The following PLEKHG4 variants were observed in gnomAD, a reference collection of about 807,000 sequenced individuals.
PLEKHG4 encodes puratrophin-1.
PLEKHG4 carries 85 observed loss-of-function variants against 136.9 expected under a neutral mutation model. The ratio of observed to expected loss-of-function variants is 0.62; its 90% CI spans 0.52 to 0.74. The LOEUF (loss-of-function observed/expected upper bound fraction) is 0.74, where lower values mean the gene tolerates loss of function less well. PLEKHG4 is among the 30% of genes least tolerant of loss of function. The probability of loss-of-function intolerance (pLI) is 0.00; values close to 1 mark genes in which losing one functional copy is unlikely to be tolerated. For synonymous variants in PLEKHG4, 577 were observed against 646.9 expected (o/e 0.89, Z 1.64); for missense variants, 1,317 against 1,527.8 (o/e 0.86, Z 2.30).
rs2036617921 is a variant in PLEKHG4, at chr16:67,288,917, C to T, written c.*109C>T. ...GGCTGACACCTGGGCTACCTCCAAC[C>T]TACATGTGCAACGCTGTTGACTACC... On this transcript the variant is annotated 3_prime_UTR_variant, in exon 22 of 22. Transcript: ENST00000379344. 3.3e-6 allele frequency: 4 copies of T among 1,227,086 alleles called. No individual in the cohort carries two copies. The highest frequency in any genetic ancestry group is 1.9e-5 in the Admixed American group (1 of 51,974). 76.0% of individuals were successfully genotyped at this position (1,227,086 alleles called of 1,614,324 possible). A position where few individuals can be genotyped will look rare whatever the true frequency, so the allele number is the denominator to read the frequency against.
At chr16:67,279,801 C>T in intron 1 of PLEKHG4, 75 bp from the exon 2 acceptor site, 1 of 530,272 alleles carries the variant, frequency 1.9e-6, no homozygotes, top group Non-Finnish European at 3.4e-6. Flanking sequence ...TGGGCGCGCA[C>T]GGAGCAGAGG....
At position 67,282,107 on chromosome 16, in the gene PLEKHG4, G is replaced by T; in HGVS notation, c.1104G>T (p.Gly368=). ...CTGTGCCCCAGCCCATGGAGCCTGG[G>T]GTGAGTGTCCCCTCCCAGTCCCTCC... is the stretch of plus-strand genomic sequence containing the variant. ...VKAVPQPMEP[G]EVGQLLQQTE... The change falls in exon 8 of 22, where the codon GGG becomes GGT. Residue 368 remains glycine, a splice_region_variant and synonymous_variant. Coordinates refer to ENST00000379344, the MANE Select transcript of PLEKHG4 (RefSeq NM_001129729.3). 1.2e-6 allele frequency: 2 copies of T among 1,613,178 alleles called. No homozygotes were observed. Among genetic ancestry groups the T allele is most frequent in the East Asian group, 4.5e-5 (2 of 44,858 alleles).
intron 9 of PLEKHG4, 57 bp downstream of exon 9, chr16:67,282,406 A>G: frequency 6.2e-7 from 1 of 1,612,158 alleles, no homozygotes; most frequent in Non-Finnish European, 8.5e-7. Context: ...CTATGCCAGG[A>G]CTCATCTGGC....
rs1373417140 is a variant in PLEKHG4, at chr16:67,287,155, G to T, written c.3081G>T (p.Trp1027Cys). 1.9e-6 allele frequency: 3 copies of T among 1,609,366 alleles called. No individual in the cohort carries two copies. The Admixed American group carries it at 5.0e-5, about 27-fold the overall frequency. The change falls in exon 18 of 22, where the codon TGG becomes TGT. Residue 1027 changes from tryptophan (W) to cysteine (C), a missense_variant. Trp to Cys is a radical substitution (Grantham distance 215, BLOSUM62 -2). Transcript: ENST00000379344. ...AWTADISHLL[W>C]RQAVHNKEVR... ...CAGCTGACATCTCCCACCTGCTTTG[G>T]AGGCAGGCCGTCCACAACAAGGGTG...
At chr16:67,281,933 C>G (rs2036246747) in intron 7 of PLEKHG4, 76 bp from the exon 8 acceptor site, 1 of 1,536,050 alleles carries the variant, frequency 6.5e-7, no homozygotes, top group African/African-American at 1.4e-5. Flanking sequence ...ACAAAGCTGG[C>G]TGCAGTGGCC....
rs780835468 is a variant in PLEKHG4, at chr16:67,282,188, C to T, written c.1105-13C>T. 6.2e-7 allele frequency: 1 copy of T among 1,613,578 alleles called. No homozygotes were observed. Among genetic ancestry groups the T allele is most frequent in the Non-Finnish European group, 8.5e-7 (1 of 1,180,006 alleles). ...CCATGGCCACCTCCACAGCTTATTG[C>T]CCTCAATCACAGGAGGTCGGTCAGC... On this transcript the variant is annotated splice_polypyrimidine_tract_variant and intron_variant, in intron 8 of 21. Transcript: ENST00000379344.
rs1160839540 is a variant in PLEKHG4, at chr16:67,284,190, T to C, written c.1510-85T>C. 2 of 1,187,356 alleles carry C rather than the reference T, an allele frequency of 1.7e-6. No individual in the cohort carries two copies. Among genetic ancestry groups the C allele is most frequent in the African/African-American group, 1.5e-5 (1 of 66,282 alleles). The allele number at this position is 1,187,356 out of a possible 1,614,324, so 73.6% of individuals were successfully genotyped here. A position where few individuals can be genotyped will look rare whatever the true frequency, so the allele number is the denominator to read the frequency against. ...CCACAGGACAGACTTGATGGGGACATGTCGATATGTCAGCAGGAAGTATCT... is the reference window on the plus strand; with the variant it reads ...CCACAGGACAGACTTGATGGGGACACGTCGATATGTCAGCAGGAAGTATCT... On this transcript the variant is annotated intron_variant, in intron 11 of 21. Coordinates refer to ENST00000379344, the MANE Select transcript of PLEKHG4 (RefSeq NM_001129729.3). This position sits in a 1 kb window ranked among gnomAD's most constrained non-coding sequence, Gnocchi z 4.4.
rs1190525583 is a variant in PLEKHG4 at position 67,280,138 on chromosome 16, TGG to T, written c.96_97del (p.Trp32Ter). 6 of 1,613,746 alleles carry T rather than the reference TGG, an allele frequency of 3.7e-6. No homozygotes were observed. The highest frequency in any genetic ancestry group is 5.1e-6 in the Non-Finnish European group (6 of 1,179,968). The part of the protein sequence containing the change: ...RFAVCSFRDA[W>X]EEEEPASQMH... ...TGCTGTGTGCAGTTTCAGGGATGCC[TGG>T]GAAGAGGAGGAACCTGCTTCCCAGA... On this transcript the variant is annotated frameshift_variant, in exon 2 of 22. Transcript: ENST00000379344. LOFTEE classifies it high-confidence loss of function. This position sits in a 1 kb window ranked among gnomAD's most constrained non-coding sequence, Gnocchi z 4.4.
In PLEKHG4 at chr16:67,286,381, TAGG is replaced by T. The variant is rs747262744; in HGVS notation, c.2532+24_2532+26del. The T allele has an allele frequency of 1.1e-5, 18 of 1,610,716 alleles. No homozygotes were observed. In the South Asian group the frequency reaches 1.8e-4, roughly 16 times the overall value. On this transcript the variant is annotated intron_variant, in intron 15 of 21. Coordinates refer to ENST00000379344, the MANE Select transcript of PLEKHG4 (RefSeq NM_001129729.3). ...TCTTCAAGGTAAGTGAACCTGAGAT[TAGG>T]AGGAGTAGGGGATGCGGGGAGTGCC...
rs149229558 is a variant in PLEKHG4, at chr16:67,280,887, C to T, written c.601C>T (p.Arg201Trp). The stretch of plus-strand genomic sequence containing the variant: ...TCACTGCTTCCTCCCCACAGGGACT[C>T]GGGATGTCCAAGGCCGGGCAGTGCT... ...ASGMATLPGT[R>W]DVQGRAVLLL... Residue 201 changes from arginine (R) to tryptophan (W), a missense_variant, in exon 4 of 22, where the codon CGG becomes TGG. Coordinates refer to ENST00000379344, the MANE Select transcript of PLEKHG4 (RefSeq NM_001129729.3). The surrounding 1 kb of genome is among the most constrained non-coding windows in gnomAD (Gnocchi z 4.4). The T allele has an allele frequency of 3.1e-3, 5,015 of 1,612,916 alleles. 17 individuals carry two copies. Among genetic ancestry groups the T allele is most frequent in the Non-Finnish European group, 3.8e-3 (4,473 of 1,180,012 alleles).
Position 67,279,976 on chromosome 16 carries a change from A to G in PLEKHG4, c.-69A>G. The G allele has an allele frequency of 6.6e-7, 1 of 1,516,396 alleles. No individual in the cohort carries two copies. The highest frequency in any genetic ancestry group is 1.9e-5 in the Admixed American group (1 of 52,772). The allele number at this position is 1,516,396 out of a possible 1,614,324, so 93.9% of individuals were successfully genotyped here. A position where few individuals can be genotyped will look rare whatever the true frequency, so the allele number is the denominator to read the frequency against. ...CACTGAGTCCCACTCGACTGTCTTC[A>G]GCGCGGTTCACACTGAGACCCAGCC... On this transcript the variant is annotated 5_prime_UTR_variant, in exon 2 of 22. Transcript: ENST00000379344.
rs777121540 is a variant in PLEKHG4, at chr16:67,285,461, C to T, written c.2367C>T (p.His789=). The change falls in exon 14 of 22, where the codon CAC becomes CAT. Residue 789 remains histidine (H), a synonymous_variant. Coordinates refer to ENST00000379344, the MANE Select transcript of PLEKHG4 (RefSeq NM_001129729.3). ...FGNLEKLRDF[H]CHFFLRELEA... ...ACCTGGAGAAGCTGCGGGACTTCCA[C>T]TGCCACTTCTTCCTGCGTGAGCTGG... 2.5e-6 allele frequency: 4 copies of T among 1,613,934 alleles called. No individual in the cohort carries two copies. The African/African-American group carries it at 5.3e-5, about 22-fold the overall frequency.
Position 67,281,131 on chromosome 16 carries a change from GC to G in PLEKHG4, c.763del (p.Arg255GlufsTer29), listed in dbSNP as rs1252796455. 6.2e-7 allele frequency: 1 copy of G among 1,613,968 alleles called. No individual in the cohort carries two copies. The highest frequency in any genetic ancestry group is 8.5e-7 in the Non-Finnish European group (1 of 1,180,022). Reference sequence around the variant, plus strand: ...ACTGGGACTGACAGTGCTAGTTGATGCCCGAATTTGTGCTCCAAGTTCTTCC... The same window carrying G: ...ACTGGGACTGACAGTGCTAGTTGATGCCGAATTTGTGCTCCAAGTTCTTCC... ...QALGLTVLVD[A>X]RICAPSSSLF... On this transcript the variant is annotated frameshift_variant, in exon 5 of 22. Coordinates refer to ENST00000379344, the MANE Select transcript of PLEKHG4 (RefSeq NM_001129729.3). LOFTEE classifies it high-confidence loss of function.
chr16:67,285,282 C>T lies in PLEKHG4; in HGVS notation c.2196-8C>T, dbSNP rs2036416662. On this transcript the variant is annotated splice_region_variant and splice_polypyrimidine_tract_variant and intron_variant, in intron 13 of 21. Transcript: ENST00000379344. ...ATGTCTTGGGTCCTGACTCCCCATA[C>T]CTGGTAGGCTACAGCTGGTGCTGGC... is the stretch of plus-strand genomic sequence containing the variant. 3 of 1,613,832 alleles carry T rather than the reference C, an allele frequency of 1.9e-6. No individual in the cohort carries two copies. Among genetic ancestry groups the T allele is most frequent in the Admixed American group, 3.3e-5 (2 of 60,014 alleles).
In PLEKHG4 at chr16:67,288,169, G is replaced by A. The variant is rs753532721; in HGVS notation, c.3223G>A (p.Val1075Ile). The A allele has an allele frequency of 1.3e-5, 21 of 1,613,860 alleles. No homozygotes were observed. The highest frequency in any genetic ancestry group is 1.6e-5 in the Non-Finnish European group (19 of 1,179,804). The change falls in exon 20 of 22, where the codon GTT (valine) becomes ATT (isoleucine). Residue 1075 changes from valine to isoleucine, a missense_variant and splice_region_variant. By Grantham distance (29) the Val-to-Ile change is conservative. Coordinates refer to ENST00000379344, the MANE Select transcript of PLEKHG4 (RefSeq NM_001129729.3). Reference sequence around the variant, plus strand: ...ACCTGACCCTCTCTCTTATGCAGAAGTTCGCTCTCGGGCGTCCATTGCCGT... The same window carrying A: ...ACCTGACCCTCTCTCTTATGCAGAAATTCGCTCTCGGGCGTCCATTGCCGT... The part of the protein sequence containing the change: ...TVNYVLKCRE[V>I]RSRASIAVAP...
At chr16:67,287,294 C>A in intron 18 of PLEKHG4, 117 bp downstream of exon 18, 1 of 1,031,478 alleles carries the variant, frequency 9.7e-7, no homozygotes, top group Non-Finnish European at 1.5e-6. Flanking sequence ...CCAGCGACAG[C>A]CACCAGTGCA....
rs778550667 is a variant in PLEKHG4 at position 67,288,914 on chromosome 16, A to C, written c.*106A>C. 2.4e-6 allele frequency: 3 copies of C among 1,252,590 alleles called. No individual in the cohort carries two copies. The highest frequency in any genetic ancestry group is 3.5e-6 in the Non-Finnish European group (3 of 868,596). 77.6% of individuals were successfully genotyped at this position (1,252,590 alleles called of 1,614,324 possible). The stretch of plus-strand genomic sequence containing the variant: ...TGTGGCTGACACCTGGGCTACCTCC[A>C]ACCTACATGTGCAACGCTGTTGACT... On this transcript the variant is annotated 3_prime_UTR_variant, in exon 22 of 22. Transcript: ENST00000379344.
At chr16:67,281,962 G>A (rs371185788) in intron 7 of PLEKHG4, 47 bp from the exon 8 acceptor site, 2 of 1,574,570 alleles carry the variant, frequency 1.3e-6, no homozygotes, top group African/African-American at 2.7e-5. Context: ...AGGAAGCCCA[G>A]GACCAACACT....
At chr16:67,286,070 G>A (rs2036453302) in intron 14 of PLEKHG4, among the ~76,000 whole-genome samples, 1 of 152,094 alleles carries the variant, frequency 6.6e-6, no homozygotes, top group African/African-American at 2.4e-5. Flanking sequence ...TTCCTTGGGG[G>A]CCTGTGGGCA....
Sources: allele counts gnomAD v4.1 joint callset (sites outside exome capture counted in the v4.1 genomes callset), GRCh38; gene constraint gnomAD v4.1.1; non-coding constraint Gnocchi (gnomAD v3.1); transcripts MANE v1.5; gene names NCBI Gene and HGNC (gene_info 2026-07-23, HGNC 2026-07-21).